Variants in XRCC5 observed in about 807,000 individuals in gnomAD.
XRCC5 encodes DNA repair protein Ku80.
Under a neutral mutation model 95.7 loss-of-function variants are expected in XRCC5, and 12 were observed. That is an observed-to-expected ratio of 0.13 (90% CI 0.08 to 0.20). The LOEUF (loss-of-function observed/expected upper bound fraction) is 0.20, where lower values mean the gene tolerates loss of function less well. Among genes scored for constraint, XRCC5 ranks in the 10% least tolerant of loss-of-function variants. XRCC5 has a pLI of 1.00. For missense variants in XRCC5, 595 were observed against 873.9 expected (o/e 0.68, Z 4.02); for synonymous variants, 281 against 290.3 (o/e 0.97, Z 0.33).
intron 16 of XRCC5, among the ~76,000 whole-genome samples, chr2:216,188,006 ACT>A (rs1426041614): frequency 6.6e-6 from 1 of 151,374 alleles, no homozygotes; most frequent in Admixed American, 6.6e-5. Flanking sequence ...CTACCTCAGG[ACT>A]CTCACACACA....
At chr2:216,117,834 T>C (rs1359459910) in intron 4 of XRCC5, 40 bp downstream of exon 4, 1 of 1,602,644 alleles carries the variant, frequency 6.2e-7, no homozygotes, top group Admixed American at 1.7e-5. Flanking sequence ...AGAATCTTTT[T>C]GCAAAAATTG....
chr2:216,113,019 G>T lies in XRCC5; in HGVS notation c.25G>T (p.Ala9Ser). ...CTCTTTGGAACTTTGTTTCCAGGCA[G>T]CTGTTGTGCTGTGTATGGACGTGGG... is the stretch of plus-strand genomic sequence containing the variant. MVRSGNKAAVVLCMDVGFT... is the reference protein window; with the variant it reads MVRSGNKASVVLCMDVGFT... The change falls in exon 2 of 21, where the codon GCT (alanine) becomes TCT (serine). Residue 9 changes from alanine (A) to serine (S), a missense_variant. Transcript: ENST00000392132. The T allele has an allele frequency of 6.2e-7, 1 of 1,610,798 alleles. No homozygotes were observed. The highest frequency in any genetic ancestry group is 8.5e-7 in the Non-Finnish European group (1 of 1,178,776).
intron 2 of XRCC5, among the ~76,000 whole-genome samples, chr2:216,115,782 G>A (rs1243113766): frequency 6.6e-6 from 1 of 151,326 alleles, no homozygotes; most frequent in Non-Finnish European, 1.5e-5. Context: ...GTCTTATGCT[G>A]TAAATCCTAA....
intron 1 of XRCC5, among the ~76,000 whole-genome samples, chr2:216,112,139 A>G (rs1456927009): frequency 1.3e-5 from 2 of 152,246 alleles, no homozygotes; most frequent in African/African-American, 4.8e-5. Flanking sequence ...GAAGCCAGGT[A>G]TAAATAACTT....
intron 17 of XRCC5, among the ~76,000 whole-genome samples, chr2:216,192,340 C>G (rs1264792086): frequency 2.0e-5 from 3 of 152,106 alleles, no homozygotes; most frequent in Non-Finnish European, 4.4e-5. Context: ...CGAGCACTCA[C>G]TAAATTGTTC....
At chr2:216,183,375 C>G (rs759130225) in intron 16 of XRCC5, among the ~76,000 whole-genome samples, 51 of 152,218 alleles carry the variant, frequency 3.4e-4, no homozygotes, top group Middle Eastern at 6.8e-3. Flanking sequence ...GCAGGACTTA[C>G]TTTTATTAGT....
Position 216,162,067 on chromosome 2 carries a change from A to C in XRCC5, c.1834+19A>C. 2 of 1,609,710 alleles carry C rather than the reference A, an allele frequency of 1.2e-6. No homozygotes were observed. The highest frequency in any genetic ancestry group is 1.7e-6 in the Non-Finnish European group (2 of 1,175,932). On this transcript the variant is annotated intron_variant, in intron 16 of 20. Transcript: ENST00000392132. ...GAGGAAGGTGAGTGGTTGACTTTGC[A>C]TTTAGGAGAAGCTGTTTAGTTAAGC...
Position 216,116,789 on chromosome 2 carries a change from A to G in XRCC5, c.266A>G (p.Asp89Gly), listed in dbSNP as rs1283150895. Residue 89 changes from aspartate (D) to glycine (G), a missense_variant, in exon 3 of 21, where the codon GAT becomes GGT. By Grantham distance (94) the Asp-to-Gly change is moderately conservative. Transcript: ENST00000392132. ...VHRHLMLPDF[D>G]LLEDIESKIQ... ...AGACATCTGATGCTACCAGATTTTG[A>G]TTTGCTGGAGGACATTGAAAGCAAA... 4 of 1,614,030 alleles carry G rather than the reference A, an allele frequency of 2.5e-6. No homozygotes were observed. The highest frequency in any genetic ancestry group is 1.7e-5 in the Admixed American group (1 of 59,998).
intron 14 of XRCC5, chr2:216,156,902 G>T: frequency 6.2e-6 from 2 of 323,040 alleles, no homozygotes; most frequent in South Asian, 2.7e-5. Context: ...ATGGAAGAAG[G>T]GCTTTTGAAT....
At chr2:216,169,888 A>G (rs553112206) in intron 16 of XRCC5, among the ~76,000 whole-genome samples, 17 of 150,966 alleles carry the variant, frequency 1.1e-4, no homozygotes, top group African/African-American at 3.6e-4. Flanking sequence ...AAAAAAACAA[A>G]CTTAGGTGGG....
chr2:216,175,173 G>T, intron 16 of XRCC5: 1 of 357,532 alleles, frequency 2.8e-6, no homozygotes, highest in Non-Finnish European at 5.5e-6. Flanking sequence ...CATCTCCATA[G>T]CCCCCACTAC....
intron 16 of XRCC5, among the ~76,000 whole-genome samples, chr2:216,163,464 A>AT (rs1384200460): frequency 1.3e-5 from 2 of 151,740 alleles, no homozygotes; most frequent in African/African-American, 4.8e-5. Flanking sequence ...TAATTTTTGT[A>AT]TTTTTAGCAC....
chr2:216,176,361 C>T (rs1270157876), intron 16 of XRCC5, among the ~76,000 whole-genome samples: 1 of 152,164 alleles, frequency 6.6e-6, no homozygotes, highest in Non-Finnish European at 1.5e-5. Flanking sequence ...TCAAGTGATC[C>T]ACCCACCTTG....
intron 9 of XRCC5, 123 bp from the exon 10 acceptor site, chr2:216,132,202 G>A: frequency 1.2e-6 from 1 of 825,200 alleles, no homozygotes; most frequent in Non-Finnish European, 2.0e-6. Flanking sequence ...AGGTAATAAG[G>A]TGTTTTTAGT....
At chr2:216,118,916 A>T in intron 4 of XRCC5, 127 bp from the exon 5 acceptor site, 1 of 994,202 alleles carries the variant, frequency 1.0e-6, no homozygotes, top group Non-Finnish European at 1.5e-6. Context: ...GGACTACTAG[A>T]ATGTAATCAC....
At chr2:216,141,663 T>G (rs1697174780) in intron 13 of XRCC5, among the ~76,000 whole-genome samples, 1 of 149,312 alleles carries the variant, frequency 6.7e-6, no homozygotes, top group Admixed American at 6.8e-5. Context: ...AGCCTCAAAC[T>G]CCTGTGCTCA....
At chr2:216,131,689 T>C (rs545076023) in intron 9 of XRCC5, among the ~76,000 whole-genome samples, 13 of 152,328 alleles carry the variant, frequency 8.5e-5, no homozygotes, top group African/African-American at 2.6e-4. Context: ...TGCCTCAGTG[T>C]TACTCTTAGG....
chr2:216,139,016 C>A (rs771726975), intron 12 of XRCC5, among the ~76,000 whole-genome samples: 1 of 152,074 alleles, frequency 6.6e-6, no homozygotes, highest in African/African-American at 2.4e-5. Flanking sequence ...CTTTATCTTC[C>A]TTCTAGAAAT....
intron 16 of XRCC5, chr2:216,175,570 T>A: frequency 2.5e-6 from 1 of 393,306 alleles, no homozygotes; most frequent in East Asian, 6.9e-5. Flanking sequence ...ATCCATAACT[T>A]GTATGGTTTC....
Sources: allele counts gnomAD v4.1 joint callset (sites outside exome capture counted in the v4.1 genomes callset), GRCh38; gene constraint gnomAD v4.1.1; transcripts MANE v1.5; gene names NCBI Gene and HGNC (gene_info 2026-07-23, HGNC 2026-07-21).